TMEM182: variants seen among roughly 807,000 people sequenced by gnomAD.
The protein encoded by TMEM182 is transmembrane protein 182.
TMEM182 carries 20 observed loss-of-function variants against 26.8 expected under a neutral mutation model. The ratio of observed to expected loss-of-function variants is 0.75; its 90% CI spans 0.53 to 1.09. The LOEUF (loss-of-function observed/expected upper bound fraction) is 1.09. TMEM182 is among the 50% of genes least tolerant of loss of function. The probability of loss-of-function intolerance (pLI) is 0.00; values close to 1 mark genes in which losing one functional copy is unlikely to be tolerated. For missense variants in TMEM182, 277 were observed against 275.5 expected, an observed-to-expected ratio of 1.01 and a Z score of -0.04; for synonymous variants, 109 against 102.2, an observed-to-expected ratio of 1.07 and a Z score of -0.40.
downstream of TMEM182, among the ~76,000 whole-genome samples, chr2:102,821,015 A>T (rs891012320): frequency 6.6e-6 from 1 of 152,140 alleles, no homozygotes; most frequent in Admixed American, 6.5e-5. Flanking sequence ...TTCAACCCTG[A>T]TAAAGAGTTG....
rs578061531 is a variant in TMEM182, at chr2:102,801,893, T to A, written c.469+3893T>A. On this transcript the variant is annotated intron_variant, in intron 4 of 4. Transcript: ENST00000412401. Reference sequence around the variant, plus strand: ...CTTTTTCTACTTAATTTTATTTTTCTTTCTTTAATTTCCACCTCAGCACAA... The same window carrying A: ...CTTTTTCTACTTAATTTTATTTTTCATTCTTTAATTTCCACCTCAGCACAA... 4.6e-5 allele frequency among the ~76,000 whole-genome samples: 7 copies of A among 152,340 alleles called. No homozygotes were observed. In the East Asian group the frequency reaches 1.4e-3, roughly 29 times the overall value.
chr2:102,784,660 C>A (rs1245382076), intron 3 of TMEM182, among the ~76,000 whole-genome samples: 4 of 152,178 alleles, frequency 2.6e-5, no homozygotes, highest in African/African-American at 9.7e-5. Context: ...CAGAGCAGCC[C>A]TTAGGGCTGC....
chr2:102,746,402 A>C (rs918905671), intron 1 of TMEM182, among the ~76,000 whole-genome samples: 6 of 152,142 alleles, frequency 3.9e-5, no homozygotes, highest in Non-Finnish European at 5.9e-5. Context: ...TATTGATATC[A>C]ATGTCCTTTG....
intron 3 of TMEM182, among the ~76,000 whole-genome samples, chr2:102,777,197 G>A (rs916912413): frequency 5.3e-5 from 8 of 151,660 alleles, no homozygotes; most frequent in Admixed American, 2.6e-4. Context: ...GATGCTTTTC[G>A]TATTGTATAT....
At chr2:102,742,315 T>A (rs1023887727) in intron 1 of TMEM182, among the ~76,000 whole-genome samples, 2 of 152,094 alleles carry the variant, frequency 1.3e-5, no homozygotes, top group African/African-American at 4.8e-5. Flanking sequence ...GTTAGGTCAA[T>A]AGAAAATTCC....
chr2:102,752,649 A>G (rs1296420858), intron 1 of TMEM182, among the ~76,000 whole-genome samples: 1 of 152,158 alleles, frequency 6.6e-6, no homozygotes, highest in Non-Finnish European at 1.5e-5. Flanking sequence ...TTTCTCACTG[A>G]TTAGGTTGTC....
chr2:102,821,241 T>C (rs1226317084), downstream of TMEM182, among the ~76,000 whole-genome samples: 1 of 152,230 alleles, frequency 6.6e-6, no homozygotes, highest in Non-Finnish European at 1.5e-5. Flanking sequence ...CCTGCACAAG[T>C]GCATACAGTG....
intron 3 of TMEM182, among the ~76,000 whole-genome samples, chr2:102,792,675 T>C (rs1433858825): frequency 6.6e-6 from 1 of 152,176 alleles, no homozygotes; most frequent in Admixed American, 6.5e-5. Flanking sequence ...TTATGCACTT[T>C]TGAATGTTAG....
chr2:102,831,160 CA>C (rs955861786), intron 3 of TMEM182, among the ~76,000 whole-genome samples: 1 of 152,182 alleles, frequency 6.6e-6, no homozygotes, highest in African/African-American at 2.4e-5. Flanking sequence ...AGTGCTGCAA[CA>C]AACATAGGAG....
chr2:102,745,437 C>G (rs1324447210), intron 1 of TMEM182, among the ~76,000 whole-genome samples: 1 of 151,984 alleles, frequency 6.6e-6, no homozygotes, highest in Non-Finnish European at 1.5e-5. Context: ...GTAATAATTC[C>G]TTTGTCTCTC....
Position 102,816,885 on chromosome 2 carries a change from G to T in TMEM182, c.*1917G>T, listed in dbSNP as rs928543077. The T allele has an allele frequency of 1.0e-6, 1 of 985,686 alleles. No homozygotes were observed. Among genetic ancestry groups the T allele is most frequent in the South Asian group, 4.7e-5 (1 of 21,272 alleles). 61.1% of individuals were successfully genotyped at this position (985,686 alleles called of 1,614,324 possible). A position where few individuals can be genotyped will look rare whatever the true frequency, so the allele number is the denominator to read the frequency against. On this transcript the variant is annotated 3_prime_UTR_variant, in exon 5 of 5. Coordinates refer to ENST00000412401, the MANE Select transcript of TMEM182 (RefSeq NM_144632.5). ...TAAGTTTCACATACAAGCTGCTTTC[G>T]GCAAAGGCTTGAATATTTATAAATT...
chr2:102,747,632 T>C (rs764149846), intron 1 of TMEM182, among the ~76,000 whole-genome samples: 3 of 151,872 alleles, frequency 2.0e-5, no homozygotes, highest in Non-Finnish European at 2.9e-5. Context: ...CCATGAAATG[T>C]AGAGCCTATG....
At chr2:102,754,164 G>T (rs1416169678) in intron 1 of TMEM182, among the ~76,000 whole-genome samples, 1 of 152,158 alleles carries the variant, frequency 6.6e-6, no homozygotes, top group Admixed American at 6.5e-5. Flanking sequence ...ACCGTCTTGT[G>T]TCTAGGATGA....
intron 1 of TMEM182, among the ~76,000 whole-genome samples, chr2:102,748,848 T>G (rs1303823997): frequency 6.6e-6 from 1 of 152,232 alleles, no homozygotes; most frequent in African/African-American, 2.4e-5. Context: ...TCATTAAGAT[T>G]GATCTTAAAT....
intron 3 of TMEM182, among the ~76,000 whole-genome samples, chr2:102,765,448 C>T (rs545301882): frequency 2.6e-5 from 4 of 152,238 alleles, no homozygotes; most frequent in Non-Finnish European, 5.9e-5. Context: ...ATCTGCTCTA[C>T]TCAAAGTCAA....
intron 3 of TMEM182, among the ~76,000 whole-genome samples, chr2:102,787,963 T>G (rs17174780): frequency 0.016 from 2,398 of 152,322 alleles, 32 homozygotes; most frequent in South Asian, 0.052. Flanking sequence ...TTTTTAAAAC[T>G]AGCCACTCAG....
At chr2:102,811,058 CAAAA>C (rs10629082) in intron 4 of TMEM182, among the ~76,000 whole-genome samples, 1 of 94,438 alleles carries the variant, frequency 1.1e-5, no homozygotes, top group African/African-American at 4.1e-5. Context: ...TCCTCTATAG[CAAAA>C]AAAAAAAAAA....
intron 3 of TMEM182, among the ~76,000 whole-genome samples, chr2:102,781,773 G>C (rs190154322): frequency 6.6e-6 from 1 of 152,262 alleles, no homozygotes; most frequent in Admixed American, 6.5e-5. Context: ...GAGCAATGTA[G>C]AAAAACATTT....
At chr2:102,781,134 T>C (rs1386337991) in intron 3 of TMEM182, among the ~76,000 whole-genome samples, 2 of 152,198 alleles carry the variant, frequency 1.3e-5, no homozygotes, top group Non-Finnish European at 2.9e-5. Context: ...CTAGAAGGAA[T>C]AGGGTCAAGT....
Sources: allele counts gnomAD v4.1 joint callset (sites outside exome capture counted in the v4.1 genomes callset), GRCh38; gene constraint gnomAD v4.1.1; transcripts MANE v1.5; gene names NCBI Gene and HGNC (gene_info 2026-07-23, HGNC 2026-07-21).